The following CHSY3 variants were observed in gnomAD, a reference collection of about 807,000 sequenced individuals.
CHSY3 encodes the protein chondroitin sulfate synthase 3.
In CHSY3, 35 loss-of-function variants were observed where a neutral mutation model predicts 67.2. The ratio of observed to expected loss-of-function variants is 0.52; its 90% CI spans 0.40 to 0.69. The LOEUF (loss-of-function observed/expected upper bound fraction) is 0.69. Among genes scored for constraint, CHSY3 ranks in the 30% least tolerant of loss-of-function variants. The pLI is 0.00. For synonymous variants in CHSY3, 474 were observed against 434.7 expected, an observed-to-expected ratio of 1.09 and a Z score of -1.12; for missense variants, 1,069 against 1,138.5, an observed-to-expected ratio of 0.94 and a Z score of 0.88.
intron 2 of CHSY3, among the ~76,000 whole-genome samples, chr5:129,960,497 G>A (rs796996909): frequency 3.3e-5 from 5 of 152,018 alleles, no homozygotes; most frequent in African/African-American, 1.2e-4. Context: ...GACAACTGTA[G>A]TATGATGAGC....
chr5:129,941,748 C>T (rs1321295047), intron 2 of CHSY3, among the ~76,000 whole-genome samples: 2 of 152,118 alleles, frequency 1.3e-5, no homozygotes, highest in Non-Finnish European at 2.9e-5. Flanking sequence ...TTCTCATGCT[C>T]TCTACTTGGA....
chr5:130,072,772 T>A (rs1259485636), intron 2 of CHSY3, among the ~76,000 whole-genome samples: 1 of 152,146 alleles, frequency 6.6e-6, no homozygotes, highest in Admixed American at 6.6e-5. Flanking sequence ...GTAACAATAA[T>A]AATTCTTCCA....
chr5:129,987,340 A>G (rs1447265417), intron 2 of CHSY3, among the ~76,000 whole-genome samples: 1 of 152,192 alleles, frequency 6.6e-6, no homozygotes, highest in Non-Finnish European at 1.5e-5. Context: ...TTCTCATTTA[A>G]TTTACAGTAC....
chr5:130,143,803 T>TC (rs1768976368), intron 2 of CHSY3, among the ~76,000 whole-genome samples: 2 of 82,042 alleles, frequency 2.4e-5, no homozygotes, highest in South Asian at 9.2e-4. Flanking sequence ...TATATATATA[T>TC]ATGTGTGTAT....
chr5:129,987,319 A>C (rs994628222), intron 2 of CHSY3, among the ~76,000 whole-genome samples: 2 of 152,154 alleles, frequency 1.3e-5, no homozygotes, highest in African/African-American at 4.8e-5. Context: ...CACTATATAA[A>C]AGTAAAACAT....
intron 2 of CHSY3, among the ~76,000 whole-genome samples, chr5:130,007,497 A>T (rs1417747430): frequency 6.6e-6 from 1 of 152,112 alleles, no homozygotes; most frequent in Non-Finnish European, 1.5e-5. Flanking sequence ...AGCAAGACCC[A>T]TTCTTGGTCC....
At chr5:130,178,036 T>G (rs1263053933) in intron 2 of CHSY3, among the ~76,000 whole-genome samples, 1 of 151,152 alleles carries the variant, frequency 6.6e-6, no homozygotes, top group East Asian at 1.9e-4. Flanking sequence ...ATTTTAATTT[T>G]GGTGCATTTT....
At chr5:130,041,722 T>A (rs1765011581) in intron 2 of CHSY3, among the ~76,000 whole-genome samples, 2 of 152,130 alleles carry the variant, frequency 1.3e-5, no homozygotes, top group Non-Finnish European at 2.9e-5. Flanking sequence ...TTAAAAATAT[T>A]GCTTAATTTT....
intron 2 of CHSY3, among the ~76,000 whole-genome samples, chr5:129,977,619 G>T (rs1762850677): frequency 6.6e-6 from 1 of 151,998 alleles, no homozygotes; most frequent in African/African-American, 2.4e-5. Flanking sequence ...ATTGAACGAG[G>T]TATCCCATTT....
intron 2 of CHSY3, among the ~76,000 whole-genome samples, chr5:130,003,887 G>T (rs1393767066): frequency 2.6e-5 from 4 of 152,152 alleles, no homozygotes; most frequent in Non-Finnish European, 5.9e-5. Flanking sequence ...TCCAACCCTT[G>T]TGATGTCATG....
In CHSY3 at chr5:130,073,733, T is replaced by C. The variant is rs181287848; in HGVS notation, c.1087-110496T>C. On this transcript the variant is annotated intron_variant, in intron 2 of 2. Coordinates refer to ENST00000305031, the MANE Select transcript of CHSY3 (RefSeq NM_175856.5). ...AAATGTCATCATTGGCTAAACTTTATTGAAATCAACTGAATCTTACATTGT... is the reference window on the plus strand; with the variant it reads ...AAATGTCATCATTGGCTAAACTTTACTGAAATCAACTGAATCTTACATTGT... 4.3e-3 allele frequency among the ~76,000 whole-genome samples: 650 copies of C among 152,304 alleles called. 6 individuals carry two copies. The highest frequency in any genetic ancestry group is 0.015 in the African/African-American group (637 of 41,580).
intron 2 of CHSY3, among the ~76,000 whole-genome samples, chr5:130,077,802 TATATA>T (rs1561526110): frequency 6.6e-6 from 1 of 151,682 alleles, no homozygotes; most frequent in African/African-American, 2.4e-5. Flanking sequence ...TATGTGTGTA[TATATA>T]TATACACACA....
At chr5:130,150,516 G>C (rs965818676) in intron 2 of CHSY3, among the ~76,000 whole-genome samples, 7 of 152,076 alleles carry the variant, frequency 4.6e-5, no homozygotes, top group Non-Finnish European at 8.8e-5. Flanking sequence ...TTGATAAGTA[G>C]AGGTGTGTTC....
At chr5:129,932,352 T>G (rs1220221124) in intron 2 of CHSY3, among the ~76,000 whole-genome samples, 2 of 151,884 alleles carry the variant, frequency 1.3e-5, no homozygotes, top group African/African-American at 4.8e-5. Flanking sequence ...TCTTTCCCCT[T>G]AAGACTTTCA....
rs1770376916 is a variant in CHSY3 at position 130,185,127 on chromosome 5, A to T, written c.1985A>T (p.Asp662Val). The T allele has an allele frequency of 1.3e-6, 2 of 1,599,072 alleles. No homozygotes were observed. Among genetic ancestry groups the T allele is most frequent in the South Asian group, 1.1e-5 (1 of 90,738 alleles). ...TTGGTCATTATCCTTTTCAGTAGGG[A>T]TTCTGGCCAAGACTCCAGCAAGCAT... Reference protein sequence around the residue: ...VKLVIILFSRDSGQDSSKHIE... With the variant: ...VKLVIILFSRVSGQDSSKHIE... Residue 662 changes from aspartate to valine, a missense_variant, in exon 3 of 3, where the codon GAT becomes GTT. Asp to Val is a radical substitution (Grantham distance 152). Transcript: ENST00000305031.
chr5:130,067,233 G>T (rs1424987567), intron 2 of CHSY3, among the ~76,000 whole-genome samples: 3 of 152,002 alleles, frequency 2.0e-5, no homozygotes, highest in Admixed American at 1.3e-4. Flanking sequence ...TCTCTTCCTT[G>T]TATGTACTAC....
chr5:130,038,843 T>TAAA (rs1764930634), intron 2 of CHSY3, among the ~76,000 whole-genome samples: 1 of 151,986 alleles, frequency 6.6e-6, no homozygotes, highest in Non-Finnish European at 1.5e-5. Flanking sequence ...AATAAAGCCA[T>TAAA]CAGGAAGGAA....
chr5:130,112,190 T>C (rs1767611793), intron 2 of CHSY3, among the ~76,000 whole-genome samples: 1 of 152,126 alleles, frequency 6.6e-6, no homozygotes, highest in Non-Finnish European at 1.5e-5. Flanking sequence ...CAACTTGTTG[T>C]TCTCATGATA....
chr5:130,016,222 T>C (rs1764215322), intron 2 of CHSY3, among the ~76,000 whole-genome samples: 1 of 152,072 alleles, frequency 6.6e-6, no homozygotes, highest in African/African-American at 2.4e-5. Flanking sequence ...TGTATAAAAT[T>C]TGGAAGAAAC....
Sources: gnomAD v4.1 joint callset for allele counts (sites outside exome capture counted in the v4.1 genomes callset) on GRCh38, gnomAD v4.1.1 for gene constraint, MANE v1.5 for transcripts, NCBI Gene and HGNC (gene_info 2026-07-23, HGNC 2026-07-21) for gene names.